The following PCMTD1 variants were observed in gnomAD, a reference collection of about 807,000 sequenced individuals.
The protein encoded by PCMTD1 is protein-L-isoaspartate (D-aspartate) O-methyltransferase domain containing 1.
Under a neutral mutation model 37.6 loss-of-function variants are expected in PCMTD1, and 12 were observed. That is an observed-to-expected ratio of 0.32 (90% CI 0.20 to 0.52). The LOEUF (loss-of-function observed/expected upper bound fraction) is 0.52. Among genes scored for constraint, PCMTD1 ranks in the 20% least tolerant of loss-of-function variants. The pLI is 0.97. For missense variants in PCMTD1, 235 were observed against 421.3 expected (o/e 0.56, Z 3.87); for synonymous variants, 117 against 135.8 (o/e 0.86, Z 0.96).
At chr8:51,855,189 A>C (rs1449454772) in intron 2 of PCMTD1, among the ~76,000 whole-genome samples, 2 of 146,590 alleles carry the variant, frequency 1.4e-5, no homozygotes, top group Non-Finnish European at 3.0e-5. Context: ...AAAAAAAAAA[A>C]CAAACAAAAA....
intron 2 of PCMTD1, among the ~76,000 whole-genome samples, chr8:51,859,984 C>T (rs1273187215): frequency 6.6e-6 from 1 of 152,154 alleles, no homozygotes; most frequent in African/African-American, 2.4e-5. Context: ...GTGAATATGG[C>T]AGCTGAACTA....
At chr8:51,870,335 C>T (rs1277255793) in intron 1 of PCMTD1, 3 of 152,268 alleles carry the variant, frequency 2.0e-5, no homozygotes, top group East Asian at 3.9e-4. Context: ...ATGGACCAAG[C>T]CTGCTTTAAG....
intron 3 of PCMTD1, 66 bp downstream of exon 3, chr8:51,845,595 A>C: frequency 8.9e-7 from 1 of 1,125,228 alleles, no homozygotes; most frequent in South Asian, 1.3e-5. Context: ...ATAGTGTTCA[A>C]GAATAGACAT....
chr8:51,851,732 C>T (rs1217075798), intron 2 of PCMTD1, among the ~76,000 whole-genome samples: 5 of 151,624 alleles, frequency 3.3e-5, no homozygotes, highest in African/African-American at 9.7e-5. Flanking sequence ...CTTGGCTCAC[C>T]ACAACCTCCG....
intron 5 of PCMTD1, among the ~76,000 whole-genome samples, chr8:51,824,303 G>C (rs747767137): frequency 6.6e-6 from 1 of 152,146 alleles, no homozygotes; most frequent in Non-Finnish European, 1.5e-5. Flanking sequence ...AAACCCCATC[G>C]TCTCAGCCCA....
chr8:51,883,153 C>CA lies in PCMTD1; in HGVS notation c.-96+15776dup, dbSNP rs1236407054. Among the ~76,000 whole-genome samples, 6 of 151,314 alleles carry CA rather than the reference C, an allele frequency of 4.0e-5. No individual in the cohort carries two copies. In the East Asian group the frequency reaches 1.2e-3, roughly 29 times the overall value. Reference sequence around the variant, plus strand: ...TTCCGTCTCAAAAAAAAAGAACAGACAAAAAAAGTAAGGTAAATGCTTCAG... The same window carrying CA: ...TTCCGTCTCAAAAAAAAAGAACAGACAAAAAAAAGTAAGGTAAATGCTTCAG... On this transcript the variant is annotated intron_variant, in intron 1 of 5. Coordinates refer to ENST00000522514, the MANE Select transcript of PCMTD1 (RefSeq NM_052937.4).
intron 2 of PCMTD1, chr8:51,850,049 G>C: frequency 2.8e-6 from 2 of 702,236 alleles, no homozygotes; most frequent in Non-Finnish European, 5.2e-6. Context: ...AATAATTCAA[G>C]ATCCATCATT....
At chr8:51,876,906 C>G (rs1444489891) in intron 1 of PCMTD1, among the ~76,000 whole-genome samples, 1 of 152,124 alleles carries the variant, frequency 6.6e-6, no homozygotes, top group Non-Finnish European at 1.5e-5. Flanking sequence ...GATGCTAAAA[C>G]CAGTGTGTGA....
chr8:51,845,461 A>G, intron 3 of PCMTD1, 200 bp downstream of exon 3: 1 of 410,024 alleles, frequency 2.4e-6, no homozygotes, highest in Non-Finnish European at 4.4e-6. Context: ...AAAAAATCAC[A>G]TTATTTATAA....
rs145532420 is a variant in PCMTD1 at position 51,880,662 on chromosome 8, C to T, written c.-96+18268G>A. On this transcript the variant is annotated intron_variant, in intron 1 of 5. Transcript: ENST00000522514. The stretch of plus-strand genomic sequence containing the variant: ...CCCAATTGTCCAACCTGAATCCTTA[C>T]TTTTTTCTCTGACCTGATTTTATGT... Among the ~76,000 whole-genome samples, 387 of 152,280 alleles carry T rather than the reference C, an allele frequency of 2.5e-3. 2 individuals are homozygous for T. Among genetic ancestry groups the T allele is most frequent in the African/African-American group, 9.0e-3 (375 of 41,556 alleles).
intron 1 of PCMTD1, among the ~76,000 whole-genome samples, chr8:51,883,777 C>A (rs193001563): frequency 6.6e-6 from 1 of 152,002 alleles, no homozygotes; most frequent in African/African-American, 2.4e-5. Context: ...CAAAATGAGG[C>A]CAAGTAAAAA....
intron 1 of PCMTD1, among the ~76,000 whole-genome samples, chr8:51,890,130 C>A (rs2038917666): frequency 6.6e-6 from 1 of 151,714 alleles, no homozygotes; most frequent in Non-Finnish European, 1.5e-5. Flanking sequence ...GTTATATTCA[C>A]AGATATTTAT....
chr8:51,863,392 T>C (rs1441431848), intron 1 of PCMTD1, among the ~76,000 whole-genome samples: 3 of 152,204 alleles, frequency 2.0e-5, no homozygotes, highest in Non-Finnish European at 4.4e-5. Flanking sequence ...CTCACATTTT[T>C]GGTGAGAAAA....
chr8:51,828,627 G>A (rs1415096585), intron 5 of PCMTD1, among the ~76,000 whole-genome samples: 1 of 152,190 alleles, frequency 6.6e-6, no homozygotes, highest in African/African-American at 2.4e-5. Context: ...ACCATCTGCT[G>A]TGTTGCCAGC....
At position 51,867,363 on chromosome 8, in the gene PCMTD1, T is replaced by TTAG. The variant is rs2038570236; in HGVS notation, c.-95-6120_-95-6118dup. 3.3e-5 allele frequency among the ~76,000 whole-genome samples: 5 copies of TTAG among 151,992 alleles called. No individual in the cohort carries two copies. The South Asian group carries it at 1.0e-3, about 32-fold the overall frequency. ...GAGTCTATATCCAAAAAGATTGAAATTAGTATGTCAAAGATATATCTGCAT... is the reference window on the plus strand; with the variant it reads ...GAGTCTATATCCAAAAAGATTGAAATTAGTAGTATGTCAAAGATATATCTGCAT... On this transcript the variant is annotated intron_variant, in intron 1 of 5. Coordinates refer to ENST00000522514, the MANE Select transcript of PCMTD1 (RefSeq NM_052937.4).
chr8:51,883,523 C>A (rs1202418655), intron 1 of PCMTD1, among the ~76,000 whole-genome samples: 1 of 152,102 alleles, frequency 6.6e-6, no homozygotes, highest in Non-Finnish European at 1.5e-5. Context: ...CAATATTAAA[C>A]CACAGTAAAT....
At chr8:51,875,949 T>C (rs1366299073) in intron 1 of PCMTD1, among the ~76,000 whole-genome samples, 3 of 149,120 alleles carry the variant, frequency 2.0e-5, no homozygotes, top group African/African-American at 7.3e-5. Flanking sequence ...TTTGTGTGTG[T>C]GTGTGTGTGT....
chr8:51,845,832 C>T (rs2038210339), intron 2 of PCMTD1, 69 bp from the exon 3 acceptor site: 2 of 1,059,948 alleles, frequency 1.9e-6, no homozygotes, highest in African/African-American at 1.6e-5. Flanking sequence ...TTTTTAAGTT[C>T]TGCTCATTTA....
chr8:51,818,152 G>T lies in PCMTD1; in HGVS notation c.*2199C>A. On this transcript the variant is annotated 3_prime_UTR_variant, in exon 6 of 6. Transcript: ENST00000522514. ...ATATATCTGCATTAATAGATAAAAA[G>T]GCTTTAGCTTTAATTTTCATTTTTC... 1 of 308,938 alleles carries T rather than the reference G, an allele frequency of 3.2e-6. No homozygotes were observed. Among genetic ancestry groups the T allele is most frequent in the South Asian group, 2.8e-5 (1 of 35,684 alleles). The allele number at this position is 308,938 out of a possible 1,614,324, so 19.1% of individuals were successfully genotyped here. A position where few individuals can be genotyped will look rare whatever the true frequency, so the allele number is the denominator to read the frequency against.
Sources: gnomAD v4.1 joint callset for allele counts (sites outside exome capture counted in the v4.1 genomes callset) on GRCh38, gnomAD v4.1.1 for gene constraint, MANE v1.5 for transcripts, NCBI Gene and HGNC (gene_info 2026-07-23, HGNC 2026-07-21) for gene names.